Variants in PRKCH observed in about 807,000 individuals in gnomAD.
PRKCH encodes protein kinase C eta type.
Under a neutral mutation model 82.5 loss-of-function variants are expected in PRKCH, and 28 were observed. The ratio of observed to expected loss-of-function variants is 0.34; its 90% CI spans 0.25 to 0.47. The LOEUF (loss-of-function observed/expected upper bound fraction) is 0.47. Among genes scored for constraint, PRKCH ranks in the 20% least tolerant of loss-of-function variants. The probability of loss-of-function intolerance (pLI) is 1.00; values close to 1 mark genes in which losing one functional copy is unlikely to be tolerated. For missense variants in PRKCH, 705 were observed against 881.8 expected (o/e 0.80, Z 2.54); for synonymous variants, 322 against 327.4 (o/e 0.98, Z 0.18).
Position 61,495,357 on chromosome 14 carries a change from A to T in PRKCH, c.1433+9701A>T, listed in dbSNP as rs142200409. On this transcript the variant is annotated intron_variant, in intron 10 of 13. Transcript: ENST00000332981. ...TTTGGAACTAATTGATAAATGTGTT[A>T]GTGGCTTTCACCAGCTAATGAAACC... is the stretch of plus-strand genomic sequence containing the variant. Among the ~76,000 whole-genome samples the T allele has an allele frequency of 3.2e-4, 48 of 152,362 alleles. 1 individual carries two copies. In the East Asian group the frequency reaches 6.0e-3, roughly 19 times the overall value.
intron 13 of PRKCH, 144 bp from the exon 14 acceptor site, chr14:61,549,541 C>G (rs1336731796): frequency 2.1e-6 from 2 of 936,546 alleles, no homozygotes; most frequent in Non-Finnish European, 3.2e-6. Flanking sequence ...AGCACAGTTT[C>G]ATCATAACAA....
At chr14:61,306,290 T>C (rs1045098002) in intron 1 of PRKCH, 1 of 152,282 alleles carries the variant, frequency 6.6e-6, no homozygotes, top group Non-Finnish European at 1.5e-5. Context: ...CCTCATTAAG[T>C]CCTATCCTGC....
intron 1 of PRKCH, among the ~76,000 whole-genome samples, chr14:61,235,366 C>T (rs2044779089): frequency 6.6e-6 from 1 of 152,228 alleles, no homozygotes. Flanking sequence ...CAGAGAGTGG[C>T]ATCATTCCCA....
intron 2 of PRKCH, among the ~76,000 whole-genome samples, chr14:61,436,206 C>T (rs1009402670): frequency 6.6e-5 from 10 of 152,178 alleles, no homozygotes; most frequent in Admixed American, 3.9e-4. Flanking sequence ...GCTCAGCTTG[C>T]GTGGATGCTA....
intron 1 of PRKCH, among the ~76,000 whole-genome samples, chr14:61,294,737 CA>C (rs1368007400): frequency 6.6e-6 from 1 of 152,058 alleles, no homozygotes; most frequent in African/African-American, 2.4e-5. Context: ...ATTGTTGTTA[CA>C]AATGTGTTTG....
At chr14:61,240,075 C>G (rs1486220061) in intron 1 of PRKCH, among the ~76,000 whole-genome samples, 1 of 152,216 alleles carries the variant, frequency 6.6e-6, no homozygotes, top group Non-Finnish European at 1.5e-5. Context: ...GAGTGCAACA[C>G]AGCTACTGCC....
At chr14:61,197,144 T>C (rs1187479793) in intron 1 of PRKCH, among the ~76,000 whole-genome samples, 1 of 152,234 alleles carries the variant, frequency 6.6e-6, no homozygotes, top group Non-Finnish European at 1.5e-5. Flanking sequence ...TTAAGGTCCC[T>C]ATACAAAGGC....
intron 1 of PRKCH, among the ~76,000 whole-genome samples, chr14:61,243,914 C>G (rs535285103): frequency 6.6e-6 from 1 of 151,294 alleles, no homozygotes; most frequent in South Asian, 2.1e-4. Flanking sequence ...AGCTTGAGAC[C>G]AGCCTAGACA....
intron 1 of PRKCH, among the ~76,000 whole-genome samples, chr14:61,206,649 A>G (rs908728600): frequency 6.6e-6 from 1 of 152,160 alleles, no homozygotes; most frequent in Non-Finnish European, 1.5e-5. Flanking sequence ...AACAAACCCA[A>G]TTAGAAGCAA....
intron 9 of PRKCH, among the ~76,000 whole-genome samples, chr14:61,481,699 C>T (rs1334152848): frequency 3.3e-5 from 5 of 152,216 alleles, no homozygotes; most frequent in African/African-American, 1.2e-4. Flanking sequence ...GATCCCACAA[C>T]AAAAAACTGA....
intron 1 of PRKCH, among the ~76,000 whole-genome samples, chr14:61,332,167 A>G (rs752248950): frequency 4.6e-5 from 7 of 152,230 alleles, no homozygotes; most frequent in Admixed American, 6.5e-5. Flanking sequence ...CTACCAGTCT[A>G]TGTATCCACC....
chr14:61,373,749 C>T (rs544620164), intron 1 of PRKCH, among the ~76,000 whole-genome samples: 125 of 152,148 alleles, frequency 8.2e-4, no homozygotes, highest in Non-Finnish European at 1.2e-3. Flanking sequence ...TACAGGCATG[C>T]GCCACCATGC....
chr14:61,546,651 G>C (rs781609080), intron 12 of PRKCH, among the ~76,000 whole-genome samples: 5 of 152,146 alleles, frequency 3.3e-5, no homozygotes, highest in African/African-American at 1.2e-4. Context: ...TGTAAATTCA[G>C]CTCCAAAACA....
chr14:61,198,360 A>G (rs1477595340), intron 1 of PRKCH, among the ~76,000 whole-genome samples: 2 of 152,108 alleles, frequency 1.3e-5, no homozygotes, highest in Non-Finnish European at 2.9e-5. Flanking sequence ...CGGTTCTTCC[A>G]TCCTCCATGC....
intron 1 of PRKCH, chr14:61,299,950 A>T (rs2045436687): frequency 6.6e-6 from 1 of 152,250 alleles, no homozygotes; most frequent in Non-Finnish European, 1.5e-5. Context: ...AAGGACAAAT[A>T]ACATTTTTCA....
intron 10 of PRKCH, among the ~76,000 whole-genome samples, chr14:61,521,926 C>G (rs1358096360): frequency 6.6e-6 from 1 of 152,170 alleles, no homozygotes; most frequent in African/African-American, 2.4e-5. Context: ...GTCCCAGGCT[C>G]TCTCCTTATT....
chr14:61,405,252 T>C (rs1025971805), intron 2 of PRKCH, among the ~76,000 whole-genome samples: 6 of 152,346 alleles, frequency 3.9e-5, no homozygotes, highest in Admixed American at 6.5e-5. Context: ...AACAAGTCCA[T>C]GCACTCCTAA....
At chr14:61,217,161 A>T (rs1326958546) in intron 1 of PRKCH, among the ~76,000 whole-genome samples, 3 of 152,204 alleles carry the variant, frequency 2.0e-5, no homozygotes, top group Non-Finnish European at 2.9e-5. Context: ...AGATCGAGTC[A>T]TGAAGATCAC....
intron 2 of PRKCH, among the ~76,000 whole-genome samples, chr14:61,402,822 G>A (rs1594667316): frequency 7.5e-6 from 1 of 134,160 alleles, no homozygotes; most frequent in East Asian, 1.9e-4. Context: ...AAAGAAAAAA[G>A]AAAGAATCTA....
Sources: gnomAD v4.1 joint callset for allele counts (sites outside exome capture counted in the v4.1 genomes callset) on GRCh38, gnomAD v4.1.1 for gene constraint, MANE v1.5 for transcripts, NCBI Gene and HGNC (gene_info 2026-07-23, HGNC 2026-07-21) for gene names.